The following P2RX1 variants were observed in gnomAD, a reference collection of about 807,000 sequenced individuals.
The protein encoded by P2RX1 is P2X purinoceptor 1.
P2RX1 carries 42 observed loss-of-function variants against 50.3 expected under a neutral mutation model. That is an observed-to-expected ratio of 0.83 (90% CI 0.65 to 1.08). P2RX1 has a LOEUF of 1.08. Ranked by LOEUF, P2RX1 falls within the 50% of genes least tolerant of loss-of-function variation. The pLI is 0.00. For missense variants in P2RX1, 449 were observed against 529.0 expected (o/e 0.85, Z 1.48); for synonymous variants, 199 against 202.6 (o/e 0.98, Z 0.15).
intron 1 of P2RX1, among the ~76,000 whole-genome samples, chr17:3,907,347 G>A (rs78228669): frequency 0.01 from 1,494 of 143,306 alleles, 32 homozygotes; most frequent in African/African-American, 0.036. Flanking sequence ...GGGGTGTGTG[G>A]CTGTATACCT....
rs761547755 is a variant in P2RX1 at position 3,904,325 on chromosome 17, C to T, written c.427+5G>A. The T allele has an allele frequency of 6.2e-7, 1 of 1,613,672 alleles. No homozygotes were observed. The highest frequency in any genetic ancestry group is 1.7e-5 in the Admixed American group (1 of 60,024). On this transcript the variant is annotated splice_donor_5th_base_variant and intron_variant, in intron 4 of 11. Transcript: ENST00000225538. ...TGTGGAGGGACAGGAGGAGGCTGAC[C>T]TTACCTTGGGCCTTCCTCTTGGCCT...
chr17:3,915,065 A>G (rs1479422885), intron 1 of P2RX1, among the ~76,000 whole-genome samples: 4 of 151,988 alleles, frequency 2.6e-5, no homozygotes, highest in Admixed American at 6.5e-5. Flanking sequence ...CTGGTTCGGA[A>G]CCATGGTAAA....
intron 1 of P2RX1, among the ~76,000 whole-genome samples, chr17:3,909,632 A>G (rs1350290465): frequency 6.6e-6 from 1 of 152,102 alleles, no homozygotes; most frequent in Non-Finnish European, 1.5e-5. Context: ...GGATCACCTG[A>G]GGCCAGGAGT....
In P2RX1 at chr17:3,903,272, A is replaced by AG. The variant is rs758752485; in HGVS notation, c.676dup (p.Leu226ProfsTer23). On this transcript the variant is annotated frameshift_variant, in exon 7 of 12. Coordinates refer to ENST00000225538, the MANE Select transcript of P2RX1 (RefSeq NM_002558.4). LOFTEE classifies it high-confidence loss of function. The surrounding 1 kb of genome is among the most constrained non-coding windows in gnomAD (Gnocchi z 4.6). ...GTAGCCAAGCTGGAAGACTGGGCAC[A>AG]GGGGGTGCAGGGTCTTGTGAAAGAG... 2.1e-5 allele frequency: 34 copies of AG among 1,614,042 alleles called. No individual in the cohort carries two copies. Among genetic ancestry groups the AG allele is most frequent in the Non-Finnish European group, 2.7e-5 (32 of 1,180,026 alleles).
Position 3,916,333 on chromosome 17 carries a change from G to T in P2RX1, c.-108C>A. ...TGGTAGAGCTTCTGGGGGCTTCCTGGCCCCTTAGGAAGAGCAGGGCGGTGC... is the reference window on the plus strand; with the variant it reads ...TGGTAGAGCTTCTGGGGGCTTCCTGTCCCCTTAGGAAGAGCAGGGCGGTGC... On this transcript the variant is annotated 5_prime_UTR_variant, in exon 1 of 12. Coordinates refer to ENST00000225538, the MANE Select transcript of P2RX1 (RefSeq NM_002558.4). The T allele has an allele frequency of 7.6e-7, 1 of 1,310,574 alleles. No individual in the cohort carries two copies. Among genetic ancestry groups the T allele is most frequent in the Non-Finnish European group, 1.1e-6 (1 of 937,320 alleles). 81.2% of individuals were successfully genotyped at this position (1,310,574 alleles called of 1,614,324 possible). A position where few individuals can be genotyped will look rare whatever the true frequency, so the allele number is the denominator to read the frequency against.
rs117017268 is a variant in P2RX1, at chr17:3,904,361, A to T, written c.396T>A (p.Cys132Ter). ...CCTTCCTCTTGGCCTTCCCAGGGGT[A>T]CAGCCACTGTCTTCCTTGCATATGC... The part of the protein sequence containing the change: ...EGGICKEDSG[C>*]TPGKAKRKAQ... Residue 132 changes from cysteine (C) to a stop codon, truncating the protein, a stop_gained, in exon 4 of 12, where the codon TGT (cysteine) becomes TGA (stop). Transcript: ENST00000225538. LOFTEE classifies it high-confidence loss of function. The T allele has an allele frequency of 8.7e-6, 14 of 1,613,910 alleles. No homozygotes were observed. The highest frequency in any genetic ancestry group is 1.1e-5 in the Non-Finnish European group (13 of 1,179,978).
chr17:3,902,333 C>G (rs551525994), intron 7 of P2RX1, among the ~76,000 whole-genome samples: 1 of 151,414 alleles, frequency 6.6e-6, no homozygotes, highest in Non-Finnish European at 1.5e-5. Flanking sequence ...TTGCTCTGTC[C>G]CCGAGTCTGG....
At position 3,903,347 on chromosome 17, in the gene P2RX1, T is replaced by TGGAGGCGCA. The variant is rs2056189338; in HGVS notation, c.606-5_606-4insTGCGCCTCC. 1 of 1,613,852 alleles carries TGGAGGCGCA rather than the reference T, an allele frequency of 6.2e-7. No homozygotes were observed. ...CACCTCCTCCACCAGGTTGCGCCTG[T>TGGAGGCGCA]GGGGGTGGAAGGTGTTGACAGCTGC... On this transcript the variant is annotated splice_polypyrimidine_tract_variant and splice_region_variant and intron_variant, in intron 6 of 11. Transcript: ENST00000225538. This position sits in a 1 kb window ranked among gnomAD's most constrained non-coding sequence, Gnocchi z 4.6.
chr17:3,908,875 C>T (rs2056313880), intron 1 of P2RX1, among the ~76,000 whole-genome samples: 1 of 152,236 alleles, frequency 6.6e-6, no homozygotes, highest in East Asian at 1.9e-4. Flanking sequence ...AGAGACTACA[C>T]CTCTCTGAGC....
chr17:3,911,052 G>A (rs1468167797), intron 1 of P2RX1, among the ~76,000 whole-genome samples: 5 of 152,088 alleles, frequency 3.3e-5, no homozygotes, highest in Admixed American at 2.6e-4. Context: ...GTGCAGTCGT[G>A]GCTCACTGCA....
At chr17:3,911,715 T>C (rs1221704660) in intron 1 of P2RX1, among the ~76,000 whole-genome samples, 1 of 152,162 alleles carries the variant, frequency 6.6e-6, no homozygotes, top group Admixed American at 6.6e-5. Flanking sequence ...TCGCCCCTGC[T>C]CTCCCTTTCA....
chr17:3,897,013 G>C lies in P2RX1; in HGVS notation c.*801C>G, dbSNP rs1410451888. The C allele has an allele frequency of 6.5e-6, 1 of 153,152 alleles. No homozygotes were observed. The highest frequency in any genetic ancestry group is 2.4e-5 in the African/African-American group (1 of 41,448). 9.5% of individuals were successfully genotyped at this position (153,152 alleles called of 1,614,324 possible). A position where few individuals can be genotyped will look rare whatever the true frequency, so the allele number is the denominator to read the frequency against. The stretch of plus-strand genomic sequence containing the variant: ...ACATGCTGAAGGTGTTTGAGACCCT[G>C]TTCAGTGTCTGCACCTGAACAGGAA... On this transcript the variant is annotated 3_prime_UTR_variant, in exon 12 of 12. Coordinates refer to ENST00000225538, the MANE Select transcript of P2RX1 (RefSeq NM_002558.4).
At chr17:3,907,446 G>C (rs1370596410) in intron 1 of P2RX1, among the ~76,000 whole-genome samples, 2 of 152,014 alleles carry the variant, frequency 1.3e-5, no homozygotes, top group Admixed American at 1.3e-4. Context: ...TCCAAGGGGA[G>C]CTCAAAGCAA....
intron 3 of P2RX1, 88 bp from the exon 4 acceptor site, chr17:3,904,487 G>T: frequency 8.6e-7 from 1 of 1,166,360 alleles, no homozygotes; most frequent in Non-Finnish European, 1.3e-6. Flanking sequence ...GCCCTAGGGA[G>T]AGCGTGGGGC....
chr17:3,915,422 C>G (rs754149848), intron 1 of P2RX1: 10 of 455,928 alleles, frequency 2.2e-5, no homozygotes, highest in South Asian at 1.6e-4. Flanking sequence ...TCTTGGCTCC[C>G]GAGACAACCA....
chr17:3,916,387 G>A lies in P2RX1; in HGVS notation c.-162C>T, dbSNP rs1330528511. ...TGGAGCCAGAGGACAGGAGCCAGAG[G>A]TCAGCTGGAGGCACTTGGGTTGGAG... On this transcript the variant is annotated 5_prime_UTR_variant, in exon 1 of 12. Transcript: ENST00000225538. 1.4e-6 allele frequency: 1 copy of A among 724,764 alleles called. No individual in the cohort carries two copies. The highest frequency in any genetic ancestry group is 2.3e-6 in the Non-Finnish European group (1 of 442,998). The allele number at this position is 724,764 out of a possible 1,614,324, so 44.9% of individuals were successfully genotyped here.
Position 3,903,203 on chromosome 17 carries a change from T to C in P2RX1, c.746A>G (p.Lys249Arg). Residue 249 changes from lysine to arginine, a missense_variant and splice_region_variant, in exon 7 of 12, where the codon AAG becomes AGG. Transcript: ENST00000225538. The surrounding 1 kb of genome is among the most constrained non-coding windows in gnomAD (Gnocchi z 4.6). Reference sequence around the variant, plus strand: ...CGTGCCTGGCACCATGCTCCATACCTTCTCAGCCAGGGTGCTGAAGTTCTG... The same window carrying C: ...CGTGCCTGGCACCATGCTCCATACCCTCTCAGCCAGGGTGCTGAAGTTCTG... ...SGQNFSTLAEKGGVVGITIDW... is the reference protein window; with the variant it reads ...SGQNFSTLAERGGVVGITIDW... 6.2e-7 allele frequency: 1 copy of C among 1,614,094 alleles called. No homozygotes were observed. Among genetic ancestry groups the C allele is most frequent in the South Asian group, 1.1e-5 (1 of 91,084 alleles).
rs907214542 is a variant in P2RX1 at position 3,904,388 on chromosome 17, C to T, written c.369G>A (p.Gly123=). 2.6e-5 allele frequency: 42 copies of T among 1,613,802 alleles called. No homozygotes were observed. Among genetic ancestry groups the T allele is most frequent in the Non-Finnish European group, 3.1e-5 (37 of 1,179,950 alleles). ...TQGYCAEHPE[G]GICKEDSGCT... ...AGCCACTGTCTTCCTTGCATATGCCCCCTTCTGGGTGCTGGGGGAGGCAAA... is the reference window on the plus strand; with the variant it reads ...AGCCACTGTCTTCCTTGCATATGCCTCCTTCTGGGTGCTGGGGGAGGCAAA... Residue 123 remains glycine (G), a synonymous_variant, in exon 4 of 12, where the codon GGG becomes GGA. Coordinates refer to ENST00000225538, the MANE Select transcript of P2RX1 (RefSeq NM_002558.4).
At chr17:3,910,246 A>T (rs528219820) in intron 1 of P2RX1, among the ~76,000 whole-genome samples, 6 of 152,252 alleles carry the variant, frequency 3.9e-5, no homozygotes, top group Admixed American at 3.9e-4. Flanking sequence ...AAGTGCTGGG[A>T]TTACAGGCAT....
Sources: gnomAD v4.1 joint callset for allele counts (sites outside exome capture counted in the v4.1 genomes callset) on GRCh38, gnomAD v4.1.1 for gene constraint, Gnocchi (gnomAD v3.1) non-coding constraint, MANE v1.5 for transcripts, NCBI Gene and HGNC (gene_info 2026-07-23, HGNC 2026-07-21) for gene names.